Variants in KCNK12 observed in about 807,000 individuals in gnomAD.
KCNK12 encodes potassium channel subfamily K member 12.
In KCNK12, 6 loss-of-function variants were observed where a neutral mutation model predicts 25.3. That is an observed-to-expected ratio of 0.24 (90% CI 0.13 to 0.47). KCNK12 has a LOEUF of 0.47. Ranked by LOEUF, KCNK12 falls within the 20% of genes least tolerant of loss-of-function variation. The pLI, the probability that KCNK12 is intolerant of heterozygous loss-of-function variation, is 0.99. For synonymous variants in KCNK12, 331 were observed against 311.1 expected, an observed-to-expected ratio of 1.06 and a Z score of -0.67; for missense variants, 444 against 661.7, an observed-to-expected ratio of 0.67 and a Z score of 3.61.
intron 1 of KCNK12, among the ~76,000 whole-genome samples, chr2:47,524,441 A>C (rs943139798): frequency 5.9e-5 from 9 of 152,288 alleles, no homozygotes; most frequent in African/African-American, 2.2e-4. Flanking sequence ...GTGGAACAAA[A>C]TAAGCTGGAC....
rs1669179157 is a variant in KCNK12 at position 47,540,710 on chromosome 2, G to C, written c.392-18902C>G. 6.6e-6 allele frequency among the ~76,000 whole-genome samples: 1 copy of C among 152,218 alleles called. No individual in the cohort carries two copies. Among genetic ancestry groups the C allele is most frequent in the African/African-American group, 2.4e-5 (1 of 41,454 alleles). On this transcript the variant is annotated intron_variant, in intron 1 of 1. Transcript: ENST00000327876. This position sits in a 1 kb window ranked among gnomAD's most constrained non-coding sequence, Gnocchi z 5.4. ...GGAGGCCAAGGCAGGGGGATTGCTT[G>C]AGGCCAGGAGTTTGGGACCAGCCTG...
In KCNK12 at chr2:47,533,997, C is replaced by G. The variant is rs74852049; in HGVS notation, c.392-12189G>C. Among the ~76,000 whole-genome samples, 421 of 151,998 alleles carry G rather than the reference C, an allele frequency of 2.8e-3. No homozygotes were observed. The highest frequency in any genetic ancestry group is 9.5e-3 in the African/African-American group (395 of 41,448). Reference sequence around the variant, plus strand: ...GTTCTGCTTGTTTTTGTCTTGTTCTCTGGGGGCCTTTGAGGTGACTTTCTT... The same window carrying G: ...GTTCTGCTTGTTTTTGTCTTGTTCTGTGGGGGCCTTTGAGGTGACTTTCTT... On this transcript the variant is annotated intron_variant, in intron 1 of 1. Coordinates refer to ENST00000327876, the MANE Select transcript of KCNK12 (RefSeq NM_022055.2). The surrounding 1 kb of genome is among the most constrained non-coding windows in gnomAD (Gnocchi z 4.7).
In KCNK12 at chr2:47,519,368, C is replaced by G. The variant is rs12619323; in HGVS notation, c.*1539G>C. 0.43 allele frequency: 65,792 copies of G among 152,132 alleles called. 15,354 individuals are homozygous for G. Among genetic ancestry groups the G allele is most frequent in the African/African-American group, 0.62 (25,728 of 41,468 alleles). The allele number at this position is 152,132 out of a possible 1,614,324, so 9.4% of individuals were successfully genotyped here. On this transcript the variant is annotated 3_prime_UTR_variant, in exon 2 of 2. Coordinates refer to ENST00000327876, the MANE Select transcript of KCNK12 (RefSeq NM_022055.2). The stretch of plus-strand genomic sequence containing the variant: ...GGAGAGAGATTTCACAGCATGGCTC[C>G]AGCTGGAGGCGGTGAGGCGGTGCTT...
intron 1 of KCNK12, among the ~76,000 whole-genome samples, chr2:47,542,766 C>T (rs1258218345): frequency 2.6e-5 from 4 of 152,206 alleles, no homozygotes; most frequent in Non-Finnish European, 4.4e-5. Flanking sequence ...TGCCTTTGAA[C>T]GTGTGAGAAG....
At chr2:47,534,083 G>C (rs1409998771) in intron 1 of KCNK12, among the ~76,000 whole-genome samples, 2 of 152,024 alleles carry the variant, frequency 1.3e-5, no homozygotes, top group Non-Finnish European at 2.9e-5. Context: ...AGGGGAGCTA[G>C]GGACAGAGGA....
intron 1 of KCNK12, among the ~76,000 whole-genome samples, chr2:47,524,292 A>T (rs1399987546): frequency 1.3e-5 from 2 of 152,242 alleles, no homozygotes; most frequent in Non-Finnish European, 2.9e-5. Context: ...ATATTTATAA[A>T]ACGTTTTAGA....
In KCNK12 at chr2:47,560,311, G is replaced by A. The variant is rs1242589459; in HGVS notation, c.391+9630C>T. Among the ~76,000 whole-genome samples, 1 of 152,238 alleles carries A rather than the reference G, an allele frequency of 6.6e-6. No homozygotes were observed. The highest frequency in any genetic ancestry group is 1.5e-5 in the Non-Finnish European group (1 of 68,030). On this transcript the variant is annotated intron_variant, in intron 1 of 1. Coordinates refer to ENST00000327876, the MANE Select transcript of KCNK12 (RefSeq NM_022055.2). The surrounding 1 kb of genome is among the most constrained non-coding windows in gnomAD (Gnocchi z 4.7). Reference sequence around the variant, plus strand: ...TCTACCCTCTCCGATCTGGTTGGCAGCCTCCTTCACAGAGAGGTACTAGGT... The same window carrying A: ...TCTACCCTCTCCGATCTGGTTGGCAACCTCCTTCACAGAGAGGTACTAGGT...
intron 1 of KCNK12, among the ~76,000 whole-genome samples, chr2:47,531,300 C>A (rs1668921999): frequency 6.6e-6 from 1 of 152,056 alleles, no homozygotes; most frequent in Non-Finnish European, 1.5e-5. Context: ...TAGTGGGACC[C>A]CATTTCTACA....
intron 1 of KCNK12, among the ~76,000 whole-genome samples, chr2:47,567,376 CAAT>C (rs1264147201): frequency 4.6e-5 from 7 of 152,058 alleles, no homozygotes; most frequent in South Asian, 2.1e-4. Flanking sequence ...ATACAAGCAT[CAAT>C]AATAATAATA....
At position 47,531,077 on chromosome 2, in the gene KCNK12, G is replaced by A. The variant is rs79370100; in HGVS notation, c.392-9269C>T. Reference sequence around the variant, plus strand: ...GAACTGAAAATAATCCCCAATCCCCGGGTGCATCCAGACCAGTTTAGGTCA... The same window carrying A: ...GAACTGAAAATAATCCCCAATCCCCAGGTGCATCCAGACCAGTTTAGGTCA... On this transcript the variant is annotated intron_variant, in intron 1 of 1. Coordinates refer to ENST00000327876, the MANE Select transcript of KCNK12 (RefSeq NM_022055.2). Among the ~76,000 whole-genome samples, 63 of 152,276 alleles carry A rather than the reference G, an allele frequency of 4.1e-4. 1 individual carries two copies. In the East Asian group the frequency reaches 0.012, roughly 29 times the overall value.
intron 1 of KCNK12, 37 bp from the exon 2 acceptor site, chr2:47,521,845 G>A: frequency 2.0e-6 from 3 of 1,468,394 alleles, no homozygotes; most frequent in South Asian, 1.5e-5. Context: ...GGTCCTGGCC[G>A]CGCAGGTGGT....
chr2:47,532,065 CAAAA>C (rs761399821), intron 1 of KCNK12, among the ~76,000 whole-genome samples: 1 of 151,918 alleles, frequency 6.6e-6, no homozygotes, highest in African/African-American at 2.4e-5. Context: ...CCCCCAAAAA[CAAAA>C]AACAATATTC....
chr2:47,556,029 A>G lies in KCNK12; in HGVS notation c.391+13912T>C, dbSNP rs537486579. 1 of 152,102 alleles carries G rather than the reference A, an allele frequency of 6.6e-6. No homozygotes were observed. The highest frequency in any genetic ancestry group is 2.4e-5 in the African/African-American group (1 of 41,492). The allele number at this position is 152,102 out of a possible 1,614,324, so 9.4% of individuals were successfully genotyped here. A position where few individuals can be genotyped will look rare whatever the true frequency, so the allele number is the denominator to read the frequency against. ...GTAGTCACTGGAAAGGTGGGGCTGG[A>G]CTCCTGATTGAGGTGGATCCAGGGG... On this transcript the variant is annotated intron_variant, in intron 1 of 1. Coordinates refer to ENST00000327876, the MANE Select transcript of KCNK12 (RefSeq NM_022055.2). This position sits in a 1 kb window ranked among gnomAD's most constrained non-coding sequence, Gnocchi z 4.8.
At position 47,529,628 on chromosome 2, in the gene KCNK12, G is replaced by A. The variant is rs187443182; in HGVS notation, c.392-7820C>T. Among the ~76,000 whole-genome samples, 1 of 152,308 alleles carries A rather than the reference G, an allele frequency of 6.6e-6. No individual in the cohort carries two copies. The highest frequency in any genetic ancestry group is 1.5e-5 in the Non-Finnish European group (1 of 68,030). On this transcript the variant is annotated intron_variant, in intron 1 of 1. Coordinates refer to ENST00000327876, the MANE Select transcript of KCNK12 (RefSeq NM_022055.2). This position sits in a 1 kb window ranked among gnomAD's most constrained non-coding sequence, Gnocchi z 4.3. ...GGCTCTATTAGTCTAGGCCAATCAG[G>A]ATAATCCAGTTCCTTACCATGACTG...
At chr2:47,523,053 T>C (rs1356732056) in intron 1 of KCNK12, among the ~76,000 whole-genome samples, 4 of 152,232 alleles carry the variant, frequency 2.6e-5, no homozygotes, top group Non-Finnish European at 5.9e-5. Flanking sequence ...TTATTTGGAA[T>C]TGTGAGTGAA....
intron 1 of KCNK12, among the ~76,000 whole-genome samples, chr2:47,568,806 AC>A (rs1264645125): frequency 6.6e-6 from 1 of 152,222 alleles, no homozygotes; most frequent in Non-Finnish European, 1.5e-5. Context: ...TAGAGGTGTG[AC>A]CAGCCAAGTG....
Position 47,510,970 on chromosome 2 carries a change from T to G in KCNK12, c.*9937A>C, listed in dbSNP as rs1668389303. On this transcript the variant is annotated 3_prime_UTR_variant, in exon 2 of 2. Transcript: ENST00000327876. ...CCTGGTGGTATGACTGTGATATCCC[T>G]GCTTCTATAGTTGGCAACCAACATG... 1 of 152,226 alleles carries G rather than the reference T, an allele frequency of 6.6e-6. No individual in the cohort carries two copies. 9.4% of individuals were successfully genotyped at this position (152,226 alleles called of 1,614,324 possible).
Position 47,520,899 on chromosome 2 carries a change from C to A in KCNK12, c.*8G>T. On this transcript the variant is annotated 3_prime_UTR_variant, in exon 2 of 2. Transcript: ENST00000327876. The surrounding 1 kb of genome is among the most constrained non-coding windows in gnomAD (Gnocchi z 5.0). ...GGAGAGGGTCCCCGGCGCGGGCGGA[C>A]GGGCGGTCTACCTGGAGGCGCTGGT... The A allele has an allele frequency of 8.1e-7, 1 of 1,241,854 alleles. No individual in the cohort carries two copies. The highest frequency in any genetic ancestry group is 1.5e-5 in the African/African-American group (1 of 64,602). 76.9% of individuals were successfully genotyped at this position (1,241,854 alleles called of 1,614,324 possible). A position where few individuals can be genotyped will look rare whatever the true frequency, so the allele number is the denominator to read the frequency against.
intron 1 of KCNK12, among the ~76,000 whole-genome samples, chr2:47,537,500 T>TGA (rs1669100107): frequency 6.6e-6 from 1 of 152,118 alleles, no homozygotes; most frequent in Non-Finnish European, 1.5e-5. Flanking sequence ...CCAGCTAATT[T>TGA]TTATATTTTT....
Sources: gnomAD v4.1 joint callset for allele counts (sites outside exome capture counted in the v4.1 genomes callset) on GRCh38, gnomAD v4.1.1 for gene constraint, Gnocchi (gnomAD v3.1) non-coding constraint, MANE v1.5 for transcripts, NCBI Gene and HGNC (gene_info 2026-07-23, HGNC 2026-07-21) for gene names.